The following ZIM2 variants were observed in gnomAD, a reference collection of about 807,000 sequenced individuals.
ZIM2 encodes zinc finger imprinted 2.
Under a neutral mutation model 38.6 loss-of-function variants are expected in ZIM2, and 14 were observed. That is an observed-to-expected ratio of 0.36 (90% CI 0.24 to 0.57). The LOEUF (loss-of-function observed/expected upper bound fraction) is 0.57. Ranked by LOEUF, ZIM2 falls within the 20% of genes least tolerant of loss-of-function variation. ZIM2 has a pLI of 0.81. For missense variants in ZIM2, 680 were observed against 695.1 expected (o/e 0.98, Z 0.24); for synonymous variants, 247 against 245.8 (o/e 1.00, Z -0.04).
At position 56,815,407 on chromosome 19, in the gene ZIM2, G is replaced by A. The variant is rs757199235; in HGVS notation, c.490+2339C>T. The A allele has an allele frequency of 1.9e-6, 3 of 1,614,164 alleles. No homozygotes were observed. The South Asian group carries it at 3.3e-5, about 18-fold the overall frequency. On this transcript the variant is annotated intron_variant, in intron 9 of 12. Coordinates refer to ENST00000629319, the MANE Select transcript of ZIM2 (RefSeq NM_001387356.1). ...GGCGTAACTTGTTTGAGGGTCAGTAGGGGCCAAGCTGCGAATGACAGACCA... is the reference window on the plus strand; with the variant it reads ...GGCGTAACTTGTTTGAGGGTCAGTAAGGGCCAAGCTGCGAATGACAGACCA...
rs540105144 is a variant in ZIM2 at position 56,810,638 on chromosome 19, T to C, written c.490+7108A>G. 20 of 945,600 alleles carry C rather than the reference T, an allele frequency of 2.1e-5. No individual in the cohort carries two copies. The African/African-American group carries it at 2.5e-4, about 12-fold the overall frequency. 58.6% of individuals were successfully genotyped at this position (945,600 alleles called of 1,614,324 possible). A position where few individuals can be genotyped will look rare whatever the true frequency, so the allele number is the denominator to read the frequency against. On this transcript the variant is annotated intron_variant, in intron 9 of 12. Coordinates refer to ENST00000629319, the MANE Select transcript of ZIM2 (RefSeq NM_001387356.1). ...AAACACCAAAGATTATTTAAGGAATTTGAGACAAAATATTTAACCAAATTC... is the reference window on the plus strand; with the variant it reads ...AAACACCAAAGATTATTTAAGGAATCTGAGACAAAATATTTAACCAAATTC...
intron 11 of ZIM2, among the ~76,000 whole-genome samples, chr19:56,780,265 C>A (rs1487848287): frequency 1.5e-5 from 2 of 133,394 alleles, no homozygotes; most frequent in African/African-American, 2.9e-5. Flanking sequence ...TTTTTTGAGA[C>A]AGAGTCTCAC....
chr19:56,837,572 C>T (rs2146683704), intron 1 of ZIM2, among the ~76,000 whole-genome samples: 1 of 152,382 alleles, frequency 6.6e-6, no homozygotes, highest in South Asian at 2.1e-4. Context: ...TTTGGCGCCC[C>T]CTGGAGGAAG....
chr19:56,799,816 A>G (rs1404718836), intron 9 of ZIM2, among the ~76,000 whole-genome samples: 4 of 152,206 alleles, frequency 2.6e-5, no homozygotes, highest in Non-Finnish European at 5.9e-5. Context: ...TAAATAACCA[A>G]AGTATGCTAG....
At chr19:56,811,869 C>CT in intron 9 of ZIM2, 1 of 985,488 alleles carries the variant, frequency 1.0e-6, no homozygotes, top group Non-Finnish European at 1.2e-6. Context: ...CTGGTGTTTT[C>CT]TTCTGTCTGT....
intron 9 of ZIM2, chr19:56,816,561 G>A (rs1364211862): frequency 7.4e-6 from 12 of 1,613,816 alleles, no homozygotes; most frequent in South Asian, 6.6e-5. Context: ...CCTTACATTC[G>A]TACATTTTCT....
At chr19:56,816,175 G>A (rs1008191430) in intron 9 of ZIM2, 1 of 1,613,974 alleles carries the variant, frequency 6.2e-7, no homozygotes, top group Non-Finnish European at 8.5e-7. Flanking sequence ...GTTTTCATAG[G>A]GGTTAGAGCT....
Position 56,814,394 on chromosome 19 carries a change from G to A in ZIM2, c.490+3352C>T. 1 of 1,613,710 alleles carries A rather than the reference G, an allele frequency of 6.2e-7. No homozygotes were observed. The highest frequency in any genetic ancestry group is 8.5e-7 in the Non-Finnish European group (1 of 1,179,642). On this transcript the variant is annotated intron_variant, in intron 9 of 12. Coordinates refer to ENST00000629319, the MANE Select transcript of ZIM2 (RefSeq NM_001387356.1). The surrounding 1 kb of genome is among the most constrained non-coding windows in gnomAD (Gnocchi z 5.8). ...TCTTCTTCCAGATGAAGCTCCTTAT[G>A]TTTAGTGAGGACTGTGCTATGAATA... is the stretch of plus-strand genomic sequence containing the variant.
intron 2 of ZIM2, among the ~76,000 whole-genome samples, chr19:56,835,465 A>G (rs1195544087): frequency 6.6e-6 from 1 of 152,068 alleles, no homozygotes; most frequent in Non-Finnish European, 1.5e-5. Context: ...TCCCCATGAC[A>G]CACACCATTC....
intron 10 of ZIM2, among the ~76,000 whole-genome samples, chr19:56,788,889 T>C (rs2046778220): frequency 6.6e-6 from 1 of 151,900 alleles, no homozygotes; most frequent in Non-Finnish European, 1.5e-5. Context: ...ATGCTTTATT[T>C]CATTAAATTG....
chr19:56,804,760 A>C (rs2047678896), intron 9 of ZIM2, among the ~76,000 whole-genome samples: 1 of 152,242 alleles, frequency 6.6e-6, no homozygotes, highest in Non-Finnish European at 1.5e-5. Context: ...AAACATTTGT[A>C]AAATAGGCAT....
intron 9 of ZIM2, among the ~76,000 whole-genome samples, chr19:56,803,200 C>A (rs1396559495): frequency 6.6e-6 from 1 of 152,192 alleles, no homozygotes; most frequent in African/African-American, 2.4e-5. Flanking sequence ...TTATTGATGA[C>A]CCCCACATAA....
At chr19:56,815,952 G>A in intron 9 of ZIM2, 1 of 1,595,836 alleles carries the variant, frequency 6.3e-7, no homozygotes, top group Non-Finnish European at 8.5e-7. Flanking sequence ...CAGACCTACT[G>A]TATTCCCTTC....
Position 56,774,661 on chromosome 19 carries a change from A to G in ZIM2, c.*27T>C, listed in dbSNP as rs971741155. ...TAGGAGGAAGCCAATAATGTTGAGA[A>G]AAGTGTGTGCTGTGACTAAAGGTTT... On this transcript the variant is annotated 3_prime_UTR_variant, in exon 13 of 13. Coordinates refer to ENST00000629319, the MANE Select transcript of ZIM2 (RefSeq NM_001387356.1). 7 of 1,602,190 alleles carry G rather than the reference A, an allele frequency of 4.4e-6. No homozygotes were observed. The highest frequency in any genetic ancestry group is 1.1e-5 in the South Asian group (1 of 89,050).
At chr19:56,778,400 G>C (rs984578480) in intron 12 of ZIM2, among the ~76,000 whole-genome samples, 1 of 152,214 alleles carries the variant, frequency 6.6e-6, no homozygotes, top group African/African-American at 2.4e-5. Context: ...ACAGACAAAC[G>C]TGGAGGAGGG....
In ZIM2 at chr19:56,775,304, T is replaced by C. The variant is rs1280288974; in HGVS notation, c.1061A>G (p.Gln354Arg). The change falls in exon 13 of 13, where the codon CAA becomes CGA. Residue 354 changes from glutamine to arginine, a missense_variant. Transcript: ENST00000629319. ...TTCACATCTGTTGTGTTTGTTCTCT[T>C]GGGATGCTGACTGGGGACTCGTACA... ...GICTSPQSAS[Q>R]ENKHNRCEFC... 2 of 1,614,194 alleles carry C rather than the reference T, an allele frequency of 1.2e-6. No homozygotes were observed. Among genetic ancestry groups the C allele is most frequent in the Non-Finnish European group, 1.7e-6 (2 of 1,180,024 alleles).
chr19:56,806,243 A>G (rs770468334), intron 9 of ZIM2, among the ~76,000 whole-genome samples: 1 of 152,200 alleles, frequency 6.6e-6, no homozygotes, highest in Non-Finnish European at 1.5e-5. Flanking sequence ...CAATTAATAG[A>G]TGCTTAAATA....
At chr19:56,815,977 C>T in intron 9 of ZIM2, 2 of 1,583,614 alleles carry the variant, frequency 1.3e-6, no homozygotes, top group South Asian at 2.3e-5. Flanking sequence ...AGAGGTGTTC[C>T]CTCCAGCACG....
At chr19:56,827,208 A>T (rs2061125487) in intron 2 of ZIM2, among the ~76,000 whole-genome samples, 2 of 152,204 alleles carry the variant, frequency 1.3e-5, no homozygotes, top group Admixed American at 1.3e-4. Context: ...GACCACTTGA[A>T]TGCCCATATG....
Sources: gnomAD v4.1 joint callset for allele counts (sites outside exome capture counted in the v4.1 genomes callset) on GRCh38, gnomAD v4.1.1 for gene constraint, Gnocchi (gnomAD v3.1) non-coding constraint, MANE v1.5 for transcripts, NCBI Gene and HGNC (gene_info 2026-07-23, HGNC 2026-07-21) for gene names.